NDUFA10: variants seen among roughly 807,000 people sequenced by gnomAD.
NDUFA10 encodes the protein NADH:ubiquinone oxidoreductase subunit A10.
In NDUFA10, 40 loss-of-function variants were observed where a neutral mutation model predicts 47.8. The ratio of observed to expected loss-of-function variants is 0.84; its 90% CI spans 0.65 to 1.09. NDUFA10 has a LOEUF of 1.09. NDUFA10 is among the 50% of genes least tolerant of loss of function. NDUFA10 has a pLI of 0.00. For missense variants in NDUFA10, 413 were observed against 451.1 expected, an observed-to-expected ratio of 0.92 and a Z score of 0.76; for synonymous variants, 183 against 172.2, an observed-to-expected ratio of 1.06 and a Z score of -0.49.
rs562169736 is a variant in NDUFA10, at chr2:239,949,310, C to T, written c.294+40764G>A. Among the ~76,000 whole-genome samples the T allele has an allele frequency of 8.5e-5, 13 of 152,276 alleles. No individual in the cohort carries two copies. In the East Asian group the frequency reaches 2.3e-3, roughly 27 times the overall value. ...ACAGATCAGCTTTAGACATCCAACC[C>T]GACTGGACTACAGCTGCCCAGGTAT... is the stretch of plus-strand genomic sequence containing the variant. On this transcript the variant is annotated intron_variant, in intron 4 of 5. Transcript: ENST00000419408.
chr2:239,928,706 C>T lies in NDUFA10; in HGVS notation c.295-33392G>A, dbSNP rs1037083728. ...GCTCCAGAGGCACCCAGCCAACCAC[C>T]GGACATCCCGCTCCAGGTCCCTCTG... is the stretch of plus-strand genomic sequence containing the variant. On this transcript the variant is annotated intron_variant, in intron 4 of 5. Transcript: ENST00000419408. This position sits in a 1 kb window ranked among gnomAD's most constrained non-coding sequence, Gnocchi z 4.3. Among the ~76,000 whole-genome samples the T allele has an allele frequency of 6.6e-6, 1 of 152,182 alleles. No individual in the cohort carries two copies. The highest frequency in any genetic ancestry group is 1.5e-5 in the Non-Finnish European group (1 of 68,018).
chr2:239,892,604 C>T (rs1000194251), exon 6 of NDUFA10: 5 of 152,114 alleles, frequency 3.3e-5, no homozygotes, highest in Non-Finnish European at 7.4e-5. Flanking sequence ...AGGGCTGGGA[C>T]GCAGACCAGG....
chr2:239,988,215 T>C (rs1053603298), intron 9 of NDUFA10, among the ~76,000 whole-genome samples: 1 of 152,174 alleles, frequency 6.6e-6, no homozygotes, highest in Non-Finnish European at 1.5e-5. Flanking sequence ...ACATCATGCA[T>C]ATACTAACCA....
chr2:239,955,574 C>T (rs114281284), downstream of NDUFA10, among the ~76,000 whole-genome samples: 497 of 152,268 alleles, frequency 3.3e-3, 6 homozygotes, highest in African/African-American at 0.011. Context: ...GGTTGGCACG[C>T]GAGGCAAAAG....
rs971545934 is a variant in NDUFA10, at chr2:239,928,248, A to G, written c.295-32934T>C. Among the ~76,000 whole-genome samples, 2 of 152,234 alleles carry G rather than the reference A, an allele frequency of 1.3e-5. No individual in the cohort carries two copies. The highest frequency in any genetic ancestry group is 4.8e-5 in the African/African-American group (2 of 41,466). ...GTACCAATGCCACTTTGAAGGCATA[A>G]TTGTTCCATAACAGAAGAAAATGTA... is the stretch of plus-strand genomic sequence containing the variant. On this transcript the variant is annotated intron_variant, in intron 4 of 5. Transcript: ENST00000419408. The surrounding 1 kb of genome is among the most constrained non-coding windows in gnomAD (Gnocchi z 4.3).
chr2:239,997,005 T>C (rs555701830), intron 8 of NDUFA10, among the ~76,000 whole-genome samples: 1 of 152,084 alleles, frequency 6.6e-6, no homozygotes, highest in Non-Finnish European at 1.5e-5. Flanking sequence ...ACAATGTAAA[T>C]GCTATATAAA....
At chr2:239,955,963 C>G (rs1694644622), downstream of NDUFA10, among the ~76,000 whole-genome samples, 1 of 152,094 alleles carries the variant, frequency 6.6e-6, no homozygotes, top group Non-Finnish European at 1.5e-5. Flanking sequence ...AGCTCTGCAG[C>G]CAGGGAGGCA....
At chr2:239,964,810 C>G (rs568691021) in intron 9 of NDUFA10, among the ~76,000 whole-genome samples, 1 of 152,338 alleles carries the variant, frequency 6.6e-6, no homozygotes, top group East Asian at 1.9e-4. Flanking sequence ...GCCAGAAATT[C>G]ATTTCTTTTT....
At chr2:239,908,990 C>T (rs1006708678) in intron 4 of NDUFA10, among the ~76,000 whole-genome samples, 4 of 152,188 alleles carry the variant, frequency 2.6e-5, no homozygotes, top group African/African-American at 9.6e-5. Context: ...TGGTCTGAGC[C>T]GGCTCCCAAG....
At position 240,017,965 on chromosome 2, in the gene NDUFA10, AC is replaced by A; in HGVS notation, c.547+587del. The A allele has an allele frequency of 2.9e-6, 4 of 1,396,818 alleles. No individual in the cohort carries two copies. In the South Asian group the frequency reaches 4.9e-5, roughly 17 times the overall value. The allele number at this position is 1,396,818 out of a possible 1,614,324, so 86.5% of individuals were successfully genotyped here. Reference sequence around the variant, plus strand: ...CCAGGCCTATTCAACCCACCGCCCAACACAGTCCTAGTCACAGACACCCCAA... The same window carrying A: ...CCAGGCCTATTCAACCCACCGCCCAAACAGTCCTAGTCACAGACACCCCAA... On this transcript the variant is annotated intron_variant, in intron 4 of 9. Transcript: ENST00000252711.
chr2:239,927,879 G>C (rs1574784111), intron 4 of NDUFA10, among the ~76,000 whole-genome samples: 1 of 152,254 alleles, frequency 6.6e-6, no homozygotes, highest in East Asian at 1.9e-4. Flanking sequence ...AACTCGGCAA[G>C]GCTGGTGGGC....
chr2:239,933,111 A>G (rs886274793), intron 4 of NDUFA10, among the ~76,000 whole-genome samples: 1 of 152,084 alleles, frequency 6.6e-6, no homozygotes, highest in Non-Finnish European at 1.5e-5. Flanking sequence ...CCCAGGCAGT[A>G]GCAGGTCACA....
chr2:239,990,023 G>C, intron 9 of NDUFA10, 51 bp downstream of exon 9: 1 of 1,322,558 alleles, frequency 7.6e-7, no homozygotes, highest in South Asian at 1.2e-5. Context: ...ATTGTCCCCA[G>C]GTGCTGCAGA....
intron 9 of NDUFA10, among the ~76,000 whole-genome samples, chr2:239,986,832 T>C (rs1696021245): frequency 6.6e-6 from 1 of 152,122 alleles, no homozygotes; most frequent in Non-Finnish European, 1.5e-5. Context: ...ACTGACTAAA[T>C]ATTAAGAGTA....
chr2:239,953,521 C>A (rs1457223552), downstream of NDUFA10, among the ~76,000 whole-genome samples: 1 of 152,242 alleles, frequency 6.6e-6, no homozygotes, highest in East Asian at 1.9e-4. Context: ...CATGGTGGTG[C>A]ATGAGGCAAT....
At chr2:239,956,185 C>A (rs780801075), downstream of NDUFA10, among the ~76,000 whole-genome samples, 6 of 152,196 alleles carry the variant, frequency 3.9e-5, no homozygotes, top group African/African-American at 7.2e-5. Context: ...AGCAGCGCTG[C>A]GTCCCCAGGG....
At chr2:239,966,870 TC>T (rs781136179) in intron 9 of NDUFA10, among the ~76,000 whole-genome samples, 2,893 of 60,508 alleles carry the variant, frequency 0.048, 71 homozygotes, top group African/African-American at 0.076. Flanking sequence ...TTTTTTTTTT[TC>T]CCTAAGAGAG....
chr2:239,959,332 A>C lies in NDUFA10; in HGVS notation c.*1786T>G. 1 of 985,450 alleles carries C rather than the reference A, an allele frequency of 1.0e-6. No individual in the cohort carries two copies. The highest frequency in any genetic ancestry group is 1.2e-6 in the Non-Finnish European group (1 of 829,934). The allele number at this position is 985,450 out of a possible 1,614,324, so 61.0% of individuals were successfully genotyped here. The stretch of plus-strand genomic sequence containing the variant: ...CTGCCCTCTCACTGCTGAGGACACT[A>C]CCCGTGCAACCACCAAGGTTGAAGG... On this transcript the variant is annotated 3_prime_UTR_variant, in exon 10 of 10. Transcript: ENST00000252711.
chr2:239,932,199 T>C (rs1694186992), intron 4 of NDUFA10, among the ~76,000 whole-genome samples: 1 of 152,156 alleles, frequency 6.6e-6, no homozygotes, highest in South Asian at 2.1e-4. Context: ...CATCTTTATA[T>C]TTTGCGAAAA....
Sources: gnomAD v4.1 joint callset for allele counts (sites outside exome capture counted in the v4.1 genomes callset) on GRCh38, gnomAD v4.1.1 for gene constraint, Gnocchi (gnomAD v3.1) non-coding constraint, MANE v1.5 for transcripts, NCBI Gene and HGNC (gene_info 2026-07-23, HGNC 2026-07-21) for gene names.